Variants in MICOS13 observed in about 807,000 individuals in gnomAD.
MICOS13 encodes the protein mitochondrial contact site and cristae organizing system subunit 13.
Under a neutral mutation model 16.1 loss-of-function variants are expected in MICOS13, and 15 were observed. That is an observed-to-expected ratio of 0.93 (90% CI 0.62 to 1.44). MICOS13 has a LOEUF of 1.44. Ranked by LOEUF, MICOS13 falls within the 40% of genes most tolerant of loss-of-function variation. MICOS13 has a pLI of 0.00. For synonymous variants in MICOS13, 61 were observed against 62.6 expected, an observed-to-expected ratio of 0.97 and a Z score of 0.12; for missense variants, 164 against 155.0, an observed-to-expected ratio of 1.06 and a Z score of -0.31.
intron 3 of MICOS13, chr19:5,679,113 T>G: frequency 2.0e-6 from 1 of 512,194 alleles, no homozygotes; most frequent in Non-Finnish European, 3.5e-6. Flanking sequence ...GGTTTCACCA[T>G]GTTGCCCAGG....
In MICOS13 at chr19:5,680,233, C is replaced by G. The variant is rs1430006948; in HGVS notation, c.29+225G>C. ...CGGAGGCGGAGGCTGACACCGCGAA[C>G]TGAACGCCAAGGGCTCGCTGGGAAG... On this transcript the variant is annotated intron_variant, in intron 1 of 3. Transcript: ENST00000309324. 5.2e-6 allele frequency: 8 copies of G among 1,552,244 alleles called. No homozygotes were observed. In the African/African-American group the frequency reaches 9.5e-5, roughly 19 times the overall value.
At chr19:5,679,447 A>C in intron 2 of MICOS13, 51 bp from the exon 3 acceptor site, 1 of 1,600,568 alleles carries the variant, frequency 6.2e-7, no homozygotes. Flanking sequence ...TCAGCAGCCC[A>C]TCCCCAGAGG....
In MICOS13 at chr19:5,679,692, C is replaced by T. The variant is rs2054496914; in HGVS notation, c.101G>A (p.Ser34Asn). The T allele has an allele frequency of 6.2e-7, 1 of 1,610,236 alleles. No individual in the cohort carries two copies. The highest frequency in any genetic ancestry group is 2.2e-5 in the East Asian group (1 of 44,862). Residue 34 changes from serine (S) to asparagine (N), a missense_variant, in exon 2 of 4, where the codon AGC (serine) becomes AAC (asparagine). By Grantham distance (46) the Ser-to-Asn change is conservative (BLOSUM62 1). Transcript: ENST00000309324. ...LVYDQELLGP[S>N]DKSQAALQKA... ...CTGTAGGGCTGCCTGGCTCTTGTCG[C>T]TGGGCCCCAGCAGCTCCTGGTCGTA...
At chr19:5,679,550 C>G (rs1263292348) in intron 2 of MICOS13, 36 bp downstream of exon 2, 1 of 1,601,908 alleles carries the variant, frequency 6.2e-7, no homozygotes, top group Non-Finnish European at 8.5e-7. Flanking sequence ...AGCTGACCAC[C>G]CGCCAAACCC....
chr19:5,679,998 A>G, intron 1 of MICOS13: 3 of 1,477,860 alleles, frequency 2.0e-6, no homozygotes, highest in Non-Finnish European at 2.7e-6. Context: ...AGAGGGGGAG[A>G]GTGGGTCACT....
At position 5,678,526 on chromosome 19, in the gene MICOS13, G is replaced by A. The variant is rs931215675; in HGVS notation, c.*25C>T. On this transcript the variant is annotated 3_prime_UTR_variant, in exon 4 of 4. Transcript: ENST00000309324. Reference sequence around the variant, plus strand: ...AGTGGCAGCCCTGCCCGTTCTGGCCGGGGCAGGCGGCCCCTGCTGACTCGC... The same window carrying A: ...AGTGGCAGCCCTGCCCGTTCTGGCCAGGGCAGGCGGCCCCTGCTGACTCGC... 1.4e-5 allele frequency: 21 copies of A among 1,537,614 alleles called. No individual in the cohort carries two copies. Among genetic ancestry groups the A allele is most frequent in the African/African-American group, 2.8e-5 (2 of 72,720 alleles).
At position 5,678,587 on chromosome 19, in the gene MICOS13, C is replaced by A; in HGVS notation, c.321G>T (p.Lys107Asn). The change falls in exon 4 of 4, where the codon AAG becomes AAT. Residue 107 changes from lysine to asparagine, a missense_variant. Coordinates refer to ENST00000309324, the MANE Select transcript of MICOS13 (RefSeq NM_205767.3). ...GCGCCTTCACATACTCCCAGCCCTC[C>A]TTGGAGTACTCGCGGGCCTTGGAGG... ...VAPSKAREYS[K>N]EGWEYVKART... The A allele has an allele frequency of 1.3e-6, 2 of 1,549,576 alleles. No homozygotes were observed. Among genetic ancestry groups the A allele is most frequent in the South Asian group, 1.2e-5 (1 of 84,018 alleles).
chr19:5,679,338 G>T lies in MICOS13; in HGVS notation c.259+7C>A, dbSNP rs754595344. On this transcript the variant is annotated splice_region_variant and intron_variant, in intron 3 of 3. Transcript: ENST00000309324. ...CTCCCTCCAAGCAAAGAAACTGGGTGCCTTACCTGCATTCCAGGAGTCACG... is the reference window on the plus strand; with the variant it reads ...CTCCCTCCAAGCAAAGAAACTGGGTTCCTTACCTGCATTCCAGGAGTCACG... 3.1e-6 allele frequency: 5 copies of T among 1,612,374 alleles called. No individual in the cohort carries two copies. In the East Asian group the frequency reaches 8.9e-5, roughly 29 times the overall value.
chr19:5,678,732 T>C, intron 3 of MICOS13, 84 bp from the exon 4 acceptor site: 3 of 573,760 alleles, frequency 5.2e-6, no homozygotes, highest in Middle Eastern at 4.1e-4. Context: ...AGAGTTTGTT[T>C]TGGGCGGTGG....
intron 3 of MICOS13, chr19:5,678,939 C>T (rs1178659034): frequency 1.3e-5 from 5 of 390,102 alleles, no homozygotes; most frequent in East Asian, 5.9e-5. Flanking sequence ...GATGGAGTCT[C>T]GCCCTGTCGC....
chr19:5,680,263 A>AG, intron 1 of MICOS13, 195 bp downstream of exon 1: 1 of 1,584,476 alleles, frequency 6.3e-7, no homozygotes, highest in Non-Finnish European at 8.6e-7. Context: ...GGGAAGCAGG[A>AG]GGGAGGGGAT....
At chr19:5,679,526 G>A in intron 2 of MICOS13, 60 bp downstream of exon 2, 1 of 1,597,604 alleles carries the variant, frequency 6.3e-7, no homozygotes, top group South Asian at 1.1e-5. Flanking sequence ...TGCAGGGCTG[G>A]AGGGACCTCC....
Position 5,678,482 on chromosome 19 carries a change from A to C in MICOS13, c.*69T>G. On this transcript the variant is annotated 3_prime_UTR_variant, in exon 4 of 4. Transcript: ENST00000309324. ...GGAGCTGCCCTCGGAGTGGGGTCCC[A>C]GTCCGGAGTCTTCAGGTCAGTGGCA... 7.1e-7 allele frequency: 1 copy of C among 1,415,836 alleles called. No individual in the cohort carries two copies. The highest frequency in any genetic ancestry group is 9.7e-7 in the Non-Finnish European group (1 of 1,033,032). The allele number at this position is 1,415,836 out of a possible 1,614,324, so 87.7% of individuals were successfully genotyped here. A position where few individuals can be genotyped will look rare whatever the true frequency, so the allele number is the denominator to read the frequency against.
Position 5,679,714 on chromosome 19 carries a change from C to A in MICOS13, c.79G>T (p.Asp27Tyr). ...TCGCTGGGCCCCAGCAGCTCCTGGT[C>A]GTACACCAGGTAGACGGCGCCCCCA... ...VAGGAVYLVY[D>Y]QELLGPSDKS... Residue 27 changes from aspartate (D) to tyrosine (Y), a missense_variant, in exon 2 of 4, where the codon GAC becomes TAC. Coordinates refer to ENST00000309324, the MANE Select transcript of MICOS13 (RefSeq NM_205767.3). 1 of 1,610,146 alleles carries A rather than the reference C, an allele frequency of 6.2e-7. No individual in the cohort carries two copies. Among genetic ancestry groups the A allele is most frequent in the Non-Finnish European group, 8.5e-7 (1 of 1,179,292 alleles).
chr19:5,680,177 T>TTCCCA (rs2054507481), intron 1 of MICOS13: 2 of 1,536,676 alleles, frequency 1.3e-6, no homozygotes, highest in Non-Finnish European at 1.7e-6. Flanking sequence ...TTCACCGGCA[T>TTCCCA]TCCCACCTCA....
At chr19:5,680,275 G>T in intron 1 of MICOS13, 183 bp downstream of exon 1, 2 of 1,595,414 alleles carry the variant, frequency 1.3e-6, no homozygotes, top group South Asian at 1.1e-5. Flanking sequence ...GGAGGGGATT[G>T]GCGACCTCGG....
rs2054496249 is a variant in MICOS13, at chr19:5,679,675, C to G, written c.118G>C (p.Ala40Pro). 2 of 1,610,234 alleles carry G rather than the reference C, an allele frequency of 1.2e-6. No individual in the cohort carries two copies. Among genetic ancestry groups the G allele is most frequent in the Non-Finnish European group, 1.7e-6 (2 of 1,179,136 alleles). ...ACCACCTCCCCAGCCTTCTGTAGGG[C>G]TGCCTGGCTCTTGTCGCTGGGCCCC... is the stretch of plus-strand genomic sequence containing the variant. ...LLGPSDKSQAALQKAGEVVPP... is the reference protein window; with the variant it reads ...LLGPSDKSQAPLQKAGEVVPP... Residue 40 changes from alanine (A) to proline (P), a missense_variant, in exon 2 of 4, where the codon GCC becomes CCC. Transcript: ENST00000309324.
rs1221267454 is a variant in MICOS13, at chr19:5,679,658, C to T, written c.135G>A (p.Gly45=). 6.2e-7 allele frequency: 1 copy of T among 1,611,052 alleles called. No homozygotes were observed. The highest frequency in any genetic ancestry group is 1.1e-5 in the South Asian group (1 of 90,932). ...GGTACATGGCGGGGGGGACCACCTC[C>T]CCAGCCTTCTGTAGGGCTGCCTGGC... ...DKSQAALQKA[G]EVVPPAMYQF... The change falls in exon 2 of 4, where the codon GGG becomes GGA. Residue 45 remains glycine (G), a synonymous_variant. Coordinates refer to ENST00000309324, the MANE Select transcript of MICOS13 (RefSeq NM_205767.3).
At chr19:5,680,356 C>T in intron 1 of MICOS13, 102 bp downstream of exon 1, 2 of 1,605,006 alleles carry the variant, frequency 1.2e-6, no homozygotes, top group South Asian at 2.2e-5. Context: ...GGAAGTGACT[C>T]TAAGGGAAGC....
Sources: gnomAD v4.1 joint callset for allele counts on GRCh38, gnomAD v4.1.1 for gene constraint, MANE v1.5 for transcripts, NCBI Gene and HGNC (gene_info 2026-07-23, HGNC 2026-07-21) for gene names.